TRPC4: variants seen among roughly 807,000 people sequenced by gnomAD.
TRPC4 encodes transient receptor potential cation channel subfamily C member 4, also known as short transient receptor potential channel 4.
In TRPC4, 49 loss-of-function variants were observed where a neutral mutation model predicts 99.4. That is an observed-to-expected ratio of 0.49 (90% CI 0.39 to 0.63). TRPC4 has a LOEUF of 0.63. Ranked by LOEUF, TRPC4 falls within the 20% of genes least tolerant of loss-of-function variation. The probability of loss-of-function intolerance (pLI) is 0.00; values close to 1 mark genes in which losing one functional copy is unlikely to be tolerated. For synonymous variants in TRPC4, 454 were observed against 425.9 expected, an observed-to-expected ratio of 1.07 and a Z score of -0.81; for missense variants, 898 against 1,152.9, an observed-to-expected ratio of 0.78 and a Z score of 3.20.
chr13:37,865,741 T>C (rs995408800), intron 1 of TRPC4, among the ~76,000 whole-genome samples: 1 of 151,640 alleles, frequency 6.6e-6, no homozygotes, highest in African/African-American at 2.4e-5. Flanking sequence ...GTAAAAAGAG[T>C]GTAGTCTTTA....
intron 1 of TRPC4, among the ~76,000 whole-genome samples, chr13:37,848,155 T>C (rs1488795921): frequency 6.6e-6 from 1 of 152,106 alleles, no homozygotes; most frequent in East Asian, 1.9e-4. Context: ...TGTAATAGAG[T>C]ACATTTCAAA....
intron 8 of TRPC4, among the ~76,000 whole-genome samples, chr13:37,649,705 C>T (rs1263061718): frequency 1.6e-5 from 2 of 121,836 alleles, no homozygotes; most frequent in Non-Finnish European, 3.1e-5. Context: ...GCACTTCAGC[C>T]TGGGCAACTG....
At chr13:37,869,152 G>T (rs1032592073) in intron 1 of TRPC4, among the ~76,000 whole-genome samples, 1 of 152,068 alleles carries the variant, frequency 6.6e-6, no homozygotes, top group Non-Finnish European at 1.5e-5. Context: ...TACTTTAAGT[G>T]CCGGAGAGCT....
intron 6 of TRPC4, among the ~76,000 whole-genome samples, chr13:37,659,596 A>G (rs527312651): frequency 6.6e-6 from 1 of 152,190 alleles, no homozygotes; most frequent in Non-Finnish European, 1.5e-5. Flanking sequence ...ATGGGAAACC[A>G]TTTTGGCACT....
At chr13:37,818,973 C>G (rs939358524) in intron 1 of TRPC4, among the ~76,000 whole-genome samples, 1 of 150,762 alleles carries the variant, frequency 6.6e-6, no homozygotes, top group Non-Finnish European at 1.5e-5. Context: ...ATGTGGCCAA[C>G]AAGCATATGA....
intron 1 of TRPC4, among the ~76,000 whole-genome samples, chr13:37,864,673 A>G (rs1380784581): frequency 6.6e-6 from 1 of 151,662 alleles, no homozygotes; most frequent in Admixed American, 6.6e-5. Context: ...CTAGATCTGG[A>G]GACAGATCTT....
At chr13:37,686,822 A>G (rs373523171) in intron 4 of TRPC4, among the ~76,000 whole-genome samples, 3 of 152,196 alleles carry the variant, frequency 2.0e-5, no homozygotes, top group East Asian at 1.9e-4. Flanking sequence ...GTGTGCATAG[A>G]TTTGCATACT....
In TRPC4 at chr13:37,636,568, G is replaced by T. The variant is rs1951524141; in HGVS notation, c.*335C>A. 5.7e-6 allele frequency: 1 copy of T among 176,752 alleles called. No homozygotes were observed. The highest frequency in any genetic ancestry group is 1.2e-5 in the Non-Finnish European group (1 of 84,850). The allele number at this position is 176,752 out of a possible 1,614,324, so 10.9% of individuals were successfully genotyped here. A position where few individuals can be genotyped will look rare whatever the true frequency, so the allele number is the denominator to read the frequency against. On this transcript the variant is annotated 3_prime_UTR_variant, in exon 11 of 11. Coordinates refer to ENST00000379705, the MANE Select transcript of TRPC4 (RefSeq NM_016179.4). Reference sequence around the variant, plus strand: ...GAATATAAAAATATCTATTTTAGGAGTCAACTACCACATGAAATAAATTGC... The same window carrying T: ...GAATATAAAAATATCTATTTTAGGATTCAACTACCACATGAAATAAATTGC...
chr13:37,741,197 G>T (rs1363936618), intron 3 of TRPC4, among the ~76,000 whole-genome samples: 2 of 152,004 alleles, frequency 1.3e-5, no homozygotes, highest in African/African-American at 4.8e-5. Flanking sequence ...AACTACGGAA[G>T]GTCTTTGCTG....
intron 8 of TRPC4, among the ~76,000 whole-genome samples, chr13:37,650,911 A>C (rs1297806973): frequency 1.3e-5 from 2 of 152,204 alleles, no homozygotes; most frequent in African/African-American, 4.8e-5. Context: ...GACAATGAGG[A>C]AGAAATGCCA....
At chr13:37,698,383 G>A (rs61955492) in intron 3 of TRPC4, among the ~76,000 whole-genome samples, 49,147 of 150,502 alleles carry the variant, frequency 0.33, 8,791 homozygotes, top group Middle Eastern at 0.42. Context: ...GGATGGTCTC[G>A]ATCTCCTGAC....
At chr13:37,824,803 G>T (rs537928062) in intron 1 of TRPC4, among the ~76,000 whole-genome samples, 1,623 of 152,080 alleles carry the variant, frequency 0.011, 21 homozygotes, top group African/African-American at 0.037. Context: ...AGTTAGGGAG[G>T]ATTCCCTCTT....
chr13:37,792,922 C>T (rs1375368609), intron 1 of TRPC4, among the ~76,000 whole-genome samples: 1 of 151,794 alleles, frequency 6.6e-6, no homozygotes, highest in Admixed American at 6.6e-5. Flanking sequence ...TAGGCATTGC[C>T]GTTGTTTTTG....
intron 3 of TRPC4, among the ~76,000 whole-genome samples, chr13:37,739,007 C>T (rs537452203): frequency 6.6e-6 from 1 of 152,118 alleles, no homozygotes; most frequent in African/African-American, 2.4e-5. Flanking sequence ...AAACAAAAAA[C>T]CTTTAGTAGT....
chr13:37,740,587 G>C (rs7989413), intron 3 of TRPC4, among the ~76,000 whole-genome samples: 150,765 of 152,258 alleles, frequency 0.99, 74,660 homozygotes, highest in Middle Eastern at 1. Flanking sequence ...GCTATGCACT[G>C]TAACTCTCAC....
At chr13:37,704,621 G>A (rs1467272778) in intron 3 of TRPC4, among the ~76,000 whole-genome samples, 10 of 151,952 alleles carry the variant, frequency 6.6e-5, no homozygotes. Flanking sequence ...GGGCAACAGA[G>A]CAAGACTCTG....
intron 1 of TRPC4, among the ~76,000 whole-genome samples, chr13:37,857,714 G>A (rs568988598): frequency 6.6e-6 from 1 of 151,688 alleles, no homozygotes; most frequent in Non-Finnish European, 1.5e-5. Flanking sequence ...ATATCCATAT[G>A]CAGAATAATG....
rs1268094780 is a variant in TRPC4, at chr13:37,655,171, A to G, written c.1801T>C (p.Phe601Leu). The change falls in exon 7 of 11, where the codon TTT becomes CTT. Residue 601 changes from phenylalanine to leucine, a missense_variant. This residue lies in a region of TRPC4 where 274 missense variants were observed against 454.9 expected (regional missense o/e 0.60). Coordinates refer to ENST00000379705, the MANE Select transcript of TRPC4 (RefSeq NM_016179.4). ...EFTEFVGATMFGTYNVISLVV... is the reference protein window; with the variant it reads ...EFTEFVGATMLGTYNVISLVV... ...AGAGAGATGACATTGTATGTCCCAAACATGGTGGCACCAACAAACTCAGTA... is the reference window on the plus strand; with the variant it reads ...AGAGAGATGACATTGTATGTCCCAAGCATGGTGGCACCAACAAACTCAGTA... 6.2e-7 allele frequency: 1 copy of G among 1,608,052 alleles called. No homozygotes were observed. The highest frequency in any genetic ancestry group is 8.5e-7 in the Non-Finnish European group (1 of 1,176,530).
intron 1 of TRPC4, among the ~76,000 whole-genome samples, chr13:37,810,490 A>C (rs1957646612): frequency 6.6e-6 from 1 of 152,086 alleles, no homozygotes; most frequent in African/African-American, 2.4e-5. Context: ...GATCAAAACA[A>C]TTAGACACCC....
Sources: allele counts gnomAD v4.1 joint callset (sites outside exome capture counted in the v4.1 genomes callset), GRCh38; gene constraint gnomAD v4.1.1; regional missense constraint gnomAD v4.1.1; transcripts MANE v1.5; gene names NCBI Gene and HGNC (gene_info 2026-07-23, HGNC 2026-07-21).